Variants in ARL8B observed in about 807,000 individuals in gnomAD.
ARL8B encodes ADP-ribosylation factor-like protein 8B.
ARL8B carries 9 observed loss-of-function variants against 30.6 expected under a neutral mutation model. That is an observed-to-expected ratio of 0.29 (90% CI 0.18 to 0.51). The LOEUF (loss-of-function observed/expected upper bound fraction) is 0.51, where lower values mean the gene tolerates loss of function less well. Among genes scored for constraint, ARL8B ranks in the 20% least tolerant of loss-of-function variants. The pLI, the probability that ARL8B is intolerant of heterozygous loss-of-function variation, is 0.97. For missense variants in ARL8B, 130 were observed against 227.2 expected (o/e 0.57, Z 2.75); for synonymous variants, 74 against 76.0 (o/e 0.97, Z 0.14).
intron 1 of ARL8B, among the ~76,000 whole-genome samples, chr3:5,141,664 T>A (rs888539403): frequency 2.6e-5 from 4 of 152,198 alleles, no homozygotes; most frequent in African/African-American, 9.6e-5. Context: ...TGTCAGTCCT[T>A]GTAAAGCTTT....
intron 1 of ARL8B, among the ~76,000 whole-genome samples, chr3:5,153,990 G>A (rs2054511157): frequency 6.6e-6 from 1 of 151,592 alleles, no homozygotes; most frequent in African/African-American, 2.4e-5. Context: ...TGGGAAATTT[G>A]TAGTAATTTC....
At chr3:5,144,207 C>CAA (rs1575563950) in intron 1 of ARL8B, among the ~76,000 whole-genome samples, 1 of 152,146 alleles carries the variant, frequency 6.6e-6, no homozygotes, top group East Asian at 1.9e-4. Context: ...GACCACATTC[C>CAA]CAGCAGTGGC....
At chr3:5,131,130 G>T (rs1489299368) in intron 1 of ARL8B, among the ~76,000 whole-genome samples, 1 of 151,930 alleles carries the variant, frequency 6.6e-6, no homozygotes, top group Non-Finnish European at 1.5e-5. Flanking sequence ...CCAGGCTGGT[G>T]TCAAACTCCT....
chr3:5,148,116 C>T (rs575532265), intron 1 of ARL8B, among the ~76,000 whole-genome samples: 10 of 152,054 alleles, frequency 6.6e-5, no homozygotes, highest in Admixed American at 2.6e-4. Flanking sequence ...CCTTTCTTCT[C>T]CTGTGAATAG....
chr3:5,139,002 T>G (rs2054350336), intron 1 of ARL8B, among the ~76,000 whole-genome samples: 1 of 152,196 alleles, frequency 6.6e-6, no homozygotes, highest in Non-Finnish European at 1.5e-5. Context: ...GAAACAGATG[T>G]CTCTACTGAT....
At chr3:5,158,331 C>T (rs559840139) in intron 1 of ARL8B, among the ~76,000 whole-genome samples, 2 of 152,206 alleles carry the variant, frequency 1.3e-5, no homozygotes, top group East Asian at 3.9e-4. Flanking sequence ...GTGGAAGGAA[C>T]AGGTAATGGT....
intron 1 of ARL8B, among the ~76,000 whole-genome samples, chr3:5,124,258 T>TTTTC (rs2054209854): frequency 1.8e-5 from 1 of 55,340 alleles, no homozygotes; most frequent in East Asian, 4.0e-4. Flanking sequence ...TACCACTAAT[T>TTTTC]TTTTTTTTTT....
chr3:5,154,186 C>T (rs533369221), intron 1 of ARL8B, among the ~76,000 whole-genome samples: 8 of 152,056 alleles, frequency 5.3e-5, no homozygotes, highest in South Asian at 2.1e-4. Context: ...AATTTTCAGT[C>T]ATTTTTTTCA....
chr3:5,124,256 ATTTTTTTT>A (rs35897178), intron 1 of ARL8B, among the ~76,000 whole-genome samples: 10,244 of 105,510 alleles, frequency 0.097, 628 homozygotes, highest in African/African-American at 0.22. Flanking sequence ...AATACCACTA[ATTTTTTTT>A]TTTTTTTTTT....
intron 1 of ARL8B, among the ~76,000 whole-genome samples, chr3:5,133,404 A>C (rs890701118): frequency 4.6e-5 from 7 of 152,222 alleles, no homozygotes; most frequent in African/African-American, 1.7e-4. Flanking sequence ...GTTGAGAGAC[A>C]TTGAGGGAGA....
intron 1 of ARL8B, among the ~76,000 whole-genome samples, chr3:5,146,911 C>T (rs1379927431): frequency 1.3e-5 from 2 of 152,170 alleles, no homozygotes; most frequent in South Asian, 4.1e-4. Context: ...TCTTTTTCCT[C>T]AGGTCCCACC....
chr3:5,153,042 C>T (rs1478911349), intron 1 of ARL8B, among the ~76,000 whole-genome samples: 1 of 151,986 alleles, frequency 6.6e-6, no homozygotes, highest in Non-Finnish European at 1.5e-5. Context: ...TTTAATTTCT[C>T]TATTGGGGTT....
chr3:5,164,165 C>T (rs1036436890), intron 1 of ARL8B, among the ~76,000 whole-genome samples: 9 of 152,254 alleles, frequency 5.9e-5, no homozygotes, highest in South Asian at 4.1e-4. Context: ...TGGAAAAAAT[C>T]CATGTGTAAG....
intron 1 of ARL8B, among the ~76,000 whole-genome samples, chr3:5,164,157 G>GA (rs1312121696): frequency 6.6e-6 from 1 of 152,060 alleles, no homozygotes; most frequent in Non-Finnish European, 1.5e-5. Context: ...CATTTGTTTG[G>GA]AAAAAATCCA....
intron 3 of ARL8B, among the ~76,000 whole-genome samples, 172 bp downstream of exon 3, chr3:5,172,395 A>G (rs1485214997): frequency 6.6e-6 from 1 of 152,214 alleles, no homozygotes; most frequent in African/African-American, 2.4e-5. Context: ...TAATCATAGA[A>G]TAAGATCTTT....
At chr3:5,174,700 ATATATGTAATATGTATTATATAT>A (rs1416793086) in intron 6 of ARL8B, among the ~76,000 whole-genome samples, 1 of 75,670 alleles carries the variant, frequency 1.3e-5, no homozygotes, top group Non-Finnish European at 2.5e-5. Flanking sequence ...TATATGTAAT[ATATATGTAATATGTATTATATAT>A]TATATGTAAT....
At chr3:5,146,069 CT>C (rs1042068550) in intron 1 of ARL8B, among the ~76,000 whole-genome samples, 6 of 152,160 alleles carry the variant, frequency 3.9e-5, no homozygotes, top group Non-Finnish European at 7.4e-5. Context: ...TCCTCCAGGA[CT>C]TTTTCTAAGA....
chr3:5,129,857 TTCTC>T (rs879714375), intron 1 of ARL8B, among the ~76,000 whole-genome samples: 3 of 151,812 alleles, frequency 2.0e-5, no homozygotes, highest in African/African-American at 4.8e-5. Context: ...ATTCTCCACA[TTCTC>T]TCTCTCTCTT....
chr3:5,164,636 C>T (rs892410920), intron 1 of ARL8B, among the ~76,000 whole-genome samples: 1 of 152,120 alleles, frequency 6.6e-6, no homozygotes, highest in African/African-American at 2.4e-5. Context: ...TAGGGATGTT[C>T]TTTTACATGA....
Sources: gnomAD v4.1 joint callset for allele counts (sites outside exome capture counted in the v4.1 genomes callset) on GRCh38, gnomAD v4.1.1 for gene constraint, MANE v1.5 for transcripts, NCBI Gene and HGNC (gene_info 2026-07-23, HGNC 2026-07-21) for gene names.